Variants in PRRG1 observed in about 807,000 individuals in gnomAD.
PRRG1 encodes the protein transmembrane gamma-carboxyglutamic acid protein 1.
Under a neutral mutation model 11.8 loss-of-function variants are expected in PRRG1, and 5 were observed. The observed-to-expected ratio is 0.42, with a 90% CI of 0.22 to 0.89. The LOEUF (loss-of-function observed/expected upper bound fraction) is 0.89, where lower values mean the gene tolerates loss of function less well. Among genes scored for constraint, PRRG1 ranks in the 40% least tolerant of loss-of-function variants. The pLI is 0.28. For missense variants in PRRG1, 155 were observed against 166.1 expected, an observed-to-expected ratio of 0.93 and a Z score of 0.37; for synonymous variants, 66 against 60.4, an observed-to-expected ratio of 1.09 and a Z score of -0.43.
chrX:37,399,236 G>T (rs1468333419), intron 1 of PRRG1, among the ~76,000 whole-genome samples: 1 of 111,543 alleles, frequency 9.0e-6, no homozygotes, highest in Non-Finnish European at 1.9e-5. Flanking sequence ...AGAGAGAAAG[G>T]TTGGGTTACC....
intron 3 of PRRG1, among the ~76,000 whole-genome samples, chrX:37,428,391 T>A (rs1251812916): frequency 9.0e-6 from 1 of 111,650 alleles, no homozygotes; most frequent in East Asian, 2.8e-4. Context: ...GGTACAGGTG[T>A]TGGGTTAATA....
chrX:37,427,089 C>A lies in PRRG1; in HGVS notation c.171+1089C>A, dbSNP rs1419630918. On this transcript the variant is annotated intron_variant, in intron 3 of 3. Coordinates refer to ENST00000378628, the MANE Select transcript of PRRG1 (RefSeq NM_001142395.2). ...GGCTGAAGTTACTATAAACCATAAA[C>A]AAAACGTGGTTTTTGATATTGTGTT... Among the ~76,000 whole-genome samples, 5 of 111,408 alleles carry A rather than the reference C, an allele frequency of 4.5e-5. No individual in the cohort carries two copies. The Admixed American group carries it at 4.8e-4, about 11-fold the overall frequency.
At chrX:37,405,862 A>T (rs1393405096) in intron 1 of PRRG1, among the ~76,000 whole-genome samples, 1 of 111,403 alleles carries the variant, frequency 9.0e-6, no homozygotes, top group African/African-American at 3.3e-5. Flanking sequence ...TTAGCATTGG[A>T]CCTTTTGGGA....
chrX:37,414,752 C>T (rs782449598), intron 2 of PRRG1, among the ~76,000 whole-genome samples: 7 of 112,737 alleles, frequency 6.2e-5, no homozygotes, highest in East Asian at 2.8e-4. Context: ...TGAAAATCTG[C>T]GACTCATGAA....
chrX:37,378,834 G>T (rs1218856140), intron 1 of PRRG1, among the ~76,000 whole-genome samples: 1 of 110,045 alleles, frequency 9.1e-6, no homozygotes, highest in Non-Finnish European at 1.9e-5. Context: ...TCTGAGAGAA[G>T]AGTTATACAG....
intron 2 of PRRG1, among the ~76,000 whole-genome samples, chrX:37,410,207 A>G (rs1569444475): frequency 8.9e-6 from 1 of 112,066 alleles, no homozygotes; most frequent in Non-Finnish European, 1.9e-5. Flanking sequence ...AGAGCACTTT[A>G]TAACTCATAG....
In PRRG1 at chrX:37,456,835, A is replaced by G. The variant is rs1556398531; in HGVS notation, c.*3214A>G. 1 of 112,049 alleles carries G rather than the reference A, an allele frequency of 8.9e-6. No homozygotes were observed. The highest frequency in any genetic ancestry group is 1.9e-5 in the Non-Finnish European group (1 of 53,205). 9.2% of individuals were successfully genotyped at this position (112,049 alleles called of 1,213,427 possible). On this transcript the variant is annotated 3_prime_UTR_variant, in exon 4 of 4. Transcript: ENST00000378628. Reference sequence around the variant, plus strand: ...ATATTTAGTACCTTTCTTAAGGAGTAACTGAATTGAATCAACCAGTTTGCA... The same window carrying G: ...ATATTTAGTACCTTTCTTAAGGAGTGACTGAATTGAATCAACCAGTTTGCA...
intron 1 of PRRG1, among the ~76,000 whole-genome samples, chrX:37,374,213 A>G (rs1930864222): frequency 9.0e-6 from 1 of 111,217 alleles, no homozygotes; most frequent in African/African-American, 3.3e-5. Flanking sequence ...TTCGTCAGGG[A>G]TATTTGTCTG....
chrX:37,441,528 C>CT, intron 3 of PRRG1: 10 of 759,070 alleles, frequency 1.3e-5, no homozygotes, highest in Non-Finnish European at 1.6e-5. Flanking sequence ...CTGCCATGGC[C>CT]ACCACCCCAG....
chrX:37,435,503 G>A (rs782638479), intron 3 of PRRG1, among the ~76,000 whole-genome samples: 1 of 110,225 alleles, frequency 9.1e-6, no homozygotes, highest in Non-Finnish European at 1.9e-5. Context: ...TCAGCGGGTG[G>A]GGGGAGGTGG....
intron 2 of PRRG1, among the ~76,000 whole-genome samples, chrX:37,417,791 G>A (rs377641983): frequency 1.8e-5 from 2 of 111,760 alleles, no homozygotes; most frequent in Non-Finnish European, 3.8e-5. Context: ...ACTTACAAGC[G>A]AGAAAACAAA....
chrX:37,430,969 C>T (rs1932822035), intron 3 of PRRG1, among the ~76,000 whole-genome samples: 2 of 112,225 alleles, frequency 1.8e-5, no homozygotes, highest in South Asian at 3.7e-4. Flanking sequence ...ATAATTCTGC[C>T]ATTGCAAGAA....
intron 2 of PRRG1, among the ~76,000 whole-genome samples, chrX:37,417,609 TTTTG>T (rs1362006576): frequency 7.1e-5 from 8 of 112,015 alleles, no homozygotes. Context: ...GTTTGCTTAA[TTTTG>T]TTTTTTAGTA....
At chrX:37,409,541 T>C (rs1409135803) in intron 2 of PRRG1, among the ~76,000 whole-genome samples, 1 of 112,512 alleles carries the variant, frequency 8.9e-6, no homozygotes, top group East Asian at 2.8e-4. Context: ...AAGCTTGTGA[T>C]AGCATTTTCA....
At chrX:37,396,980 AT>A (rs1931739053) in intron 1 of PRRG1, among the ~76,000 whole-genome samples, 1 of 112,007 alleles carries the variant, frequency 8.9e-6, no homozygotes, top group Non-Finnish European at 1.9e-5. Context: ...TCGGGGGAAA[AT>A]TGCCTCCAGT....
intron 1 of PRRG1, among the ~76,000 whole-genome samples, chrX:37,369,857 C>G (rs1197742613): frequency 9.0e-6 from 1 of 111,549 alleles, no homozygotes; most frequent in Non-Finnish European, 1.9e-5. Flanking sequence ...TGCTCTCTTG[C>G]CTGCCATCAT....
chrX:37,447,923 C>A (rs1337841727), intron 3 of PRRG1, among the ~76,000 whole-genome samples: 1 of 112,089 alleles, frequency 8.9e-6, no homozygotes, highest in Non-Finnish European at 1.9e-5. Context: ...CTGCAGCTTA[C>A]GTTTCTCTCC....
intron 1 of PRRG1, among the ~76,000 whole-genome samples, chrX:37,370,396 G>A (rs1014578437): frequency 2.1e-4 from 23 of 111,682 alleles, no homozygotes; most frequent in African/African-American, 6.5e-4. Flanking sequence ...TAGAGCAGTC[G>A]CTGCCATGAC....
At chrX:37,416,987 T>C (rs1307619560) in intron 2 of PRRG1, among the ~76,000 whole-genome samples, 1 of 111,719 alleles carries the variant, frequency 9.0e-6, no homozygotes, top group Non-Finnish European at 1.9e-5. Context: ...GTATACCATA[T>C]TGAGATAGTT....
Sources: allele counts gnomAD v4.1 joint callset (sites outside exome capture counted in the v4.1 genomes callset), GRCh38; gene constraint gnomAD v4.1.1; transcripts MANE v1.5; gene names NCBI Gene and HGNC (gene_info 2026-07-23, HGNC 2026-07-21).